The following SMIM31 variants were observed in gnomAD, a reference collection of about 807,000 sequenced individuals.
SMIM31 encodes the protein human epithelial cell program regulator.
At chr4:164,761,445 G>T (rs1192120559) in intron 1 of SMIM31, among the ~76,000 whole-genome samples, 1 of 152,076 alleles carries the variant, frequency 6.6e-6, no homozygotes, top group African/African-American at 2.4e-5. Context: ...TAGCAAAATA[G>T]AAATTACAAC....
chr4:164,768,084 A>G (rs34585664), intron 1 of SMIM31, among the ~76,000 whole-genome samples: 26,182 of 151,676 alleles, frequency 0.17, 2,785 homozygotes, highest in East Asian at 0.5. Context: ...AAAATCAAAA[A>G]ATTCGCTGGG....
chr4:164,799,609 C>T (rs759500117), intron 2 of SMIM31, among the ~76,000 whole-genome samples: 1 of 152,162 alleles, frequency 6.6e-6, no homozygotes, highest in African/African-American at 2.4e-5. Flanking sequence ...AACCCATTCA[C>T]ATGGGGAAGG....
rs575265200 is a variant in SMIM31, at chr4:164,782,384, T to A, written c.112+11829T>A. Among the ~76,000 whole-genome samples the A allele has an allele frequency of 1.6e-3, 235 of 146,476 alleles. 2 individuals carry two copies. The highest frequency in any genetic ancestry group is 3.6e-3 in the African/African-American group (139 of 38,696). On this transcript the variant is annotated intron_variant, in intron 2 of 2. Transcript: ENST00000507311. ...ACTTTATCTCTTTCTTTTATTTTTT[T>A]TTTTTTTTTTTTGAGACGGAGTCTT...
chr4:164,788,182 T>C (rs1397095974), intron 2 of SMIM31, among the ~76,000 whole-genome samples: 3 of 152,204 alleles, frequency 2.0e-5, no homozygotes, highest in Non-Finnish European at 4.4e-5. Context: ...TAATGCTATG[T>C]AATAATTACG....
At chr4:164,797,738 C>G (rs566384766) in intron 2 of SMIM31, among the ~76,000 whole-genome samples, 1 of 152,126 alleles carries the variant, frequency 6.6e-6, no homozygotes, top group Non-Finnish European at 1.5e-5. Flanking sequence ...GCTGGGATTA[C>G]AGGTGTGAGC....
At chr4:164,772,980 T>C (rs1732831577) in intron 2 of SMIM31, among the ~76,000 whole-genome samples, 1 of 129,422 alleles carries the variant, frequency 7.7e-6, no homozygotes, top group African/African-American at 3.0e-5. Context: ...GGAGTGTGCA[T>C]AACCAGCACA....
chr4:164,765,518 G>A (rs1452844079), intron 1 of SMIM31, among the ~76,000 whole-genome samples: 10 of 151,106 alleles, frequency 6.6e-5, no homozygotes, highest in African/African-American at 1.9e-4. Context: ...CAGATAAAAC[G>A]GAAAAAAGTG....
In SMIM31 at chr4:164,802,811, A is replaced by C. The variant is rs946890681; in HGVS notation, c.*1617A>C. 1.1e-4 allele frequency: 16 copies of C among 152,358 alleles called. No individual in the cohort carries two copies. The highest frequency in any genetic ancestry group is 3.6e-4 in the African/African-American group (15 of 41,588). The allele number at this position is 152,358 out of a possible 1,614,324, so 9.4% of individuals were successfully genotyped here. Reference sequence around the variant, plus strand: ...GTGTAAACAGAATGCTTACAAAGTTAACCAAGTAGTCACCCAGGTCAGAGT... The same window carrying C: ...GTGTAAACAGAATGCTTACAAAGTTCACCAAGTAGTCACCCAGGTCAGAGT... On this transcript the variant is annotated 3_prime_UTR_variant, in exon 3 of 3. Transcript: ENST00000507311.
At chr4:164,768,769 C>T (rs903778085) in intron 1 of SMIM31, among the ~76,000 whole-genome samples, 2 of 152,070 alleles carry the variant, frequency 1.3e-5, no homozygotes, top group African/African-American at 4.8e-5. Flanking sequence ...AGAAAGAGTC[C>T]TCACAGAAAA....
intron 1 of SMIM31, among the ~76,000 whole-genome samples, chr4:164,769,179 CT>C (rs1732760174): frequency 6.6e-6 from 1 of 152,142 alleles, no homozygotes; most frequent in Non-Finnish European, 1.5e-5. Context: ...CTAAAACTCA[CT>C]CTGAGTTTTT....
chr4:164,778,661 G>A (rs1332510691), intron 2 of SMIM31, among the ~76,000 whole-genome samples: 1 of 152,174 alleles, frequency 6.6e-6, no homozygotes, highest in Admixed American at 6.6e-5. Flanking sequence ...CTACTTTGGA[G>A]ATAAGGAAAA....
intron 2 of SMIM31, among the ~76,000 whole-genome samples, chr4:164,791,866 G>T (rs1324275944): frequency 3.9e-5 from 6 of 152,102 alleles, no homozygotes; most frequent in Non-Finnish European, 8.8e-5. Flanking sequence ...CCCCACTTCT[G>T]AGTCTCCAAT....
chr4:164,781,865 C>A (rs1732953610), intron 2 of SMIM31, among the ~76,000 whole-genome samples: 2 of 152,186 alleles, frequency 1.3e-5, no homozygotes, highest in Admixed American at 1.3e-4. Context: ...GGCATTAAGG[C>A]CAGGAAGAAG....
At chr4:164,777,601 G>A (rs546813623) in intron 2 of SMIM31, among the ~76,000 whole-genome samples, 3 of 152,192 alleles carry the variant, frequency 2.0e-5, no homozygotes, top group Non-Finnish European at 2.9e-5. Context: ...GTGATAAAAT[G>A]TAAGTGACCC....
chr4:164,783,976 C>T (rs1233403674), intron 2 of SMIM31, among the ~76,000 whole-genome samples: 4 of 152,124 alleles, frequency 2.6e-5, no homozygotes, highest in African/African-American at 7.2e-5. Flanking sequence ...CAAAGTACTG[C>T]TTTAGTAACT....
chr4:164,794,583 G>A (rs1303290833), intron 2 of SMIM31, among the ~76,000 whole-genome samples: 3 of 152,140 alleles, frequency 2.0e-5, no homozygotes, highest in African/African-American at 4.8e-5. Context: ...AAGGCGGGTG[G>A]ATCACAAGGT....
intron 2 of SMIM31, among the ~76,000 whole-genome samples, chr4:164,782,226 G>T (rs1196925362): frequency 6.6e-6 from 1 of 151,428 alleles, no homozygotes; most frequent in East Asian, 2.0e-4. Context: ...GAAGGCAGAG[G>T]TTGCAGTGAG....
intron 1 of SMIM31, among the ~76,000 whole-genome samples, chr4:164,761,815 T>C (rs9999149): frequency 0.03 from 4,580 of 151,176 alleles, 213 homozygotes; most frequent in African/African-American, 0.1. Flanking sequence ...TCCCATCTAC[T>C]CAGGAGGCTG....
chr4:164,762,662 C>CAAAAAA (rs1162067333), intron 1 of SMIM31, among the ~76,000 whole-genome samples: 474 of 98,990 alleles, frequency 4.8e-3, no homozygotes, highest in Non-Finnish European at 6.6e-3. Flanking sequence ...GACTCTGTCT[C>CAAAAAA]AAAAAAAAAA....
Sources: gnomAD v4.1 joint callset for allele counts (sites outside exome capture counted in the v4.1 genomes callset) on GRCh38, gnomAD v4.1.1 for gene constraint, MANE v1.5 for transcripts, NCBI Gene and HGNC (gene_info 2026-07-23, HGNC 2026-07-21) for gene names.